SLC7A14: variants seen among roughly 807,000 people sequenced by gnomAD.
The protein encoded by SLC7A14 is gamma-aminobutyric acid transporter SLC7A14.
In SLC7A14, 37 loss-of-function variants were observed where a neutral mutation model predicts 60.2. The observed-to-expected ratio is 0.61, with a 90% CI of 0.47 to 0.81. The LOEUF is 0.81. Ranked by LOEUF, SLC7A14 falls within the 30% of genes least tolerant of loss-of-function variation. The probability of loss-of-function intolerance (pLI) is 0.00; values close to 1 mark genes in which losing one functional copy is unlikely to be tolerated. For missense variants in SLC7A14, 886 were observed against 982.7 expected (o/e 0.90, Z 1.32); for synonymous variants, 399 against 395.8 (o/e 1.01, Z -0.10).
At chr3:170,578,744 G>T (rs150598971) in intron 1 of SLC7A14, among the ~76,000 whole-genome samples, 1 of 152,036 alleles carries the variant, frequency 6.6e-6, no homozygotes, top group Non-Finnish European at 1.5e-5. Flanking sequence ...TTAATTCTTC[G>T]GTCTTAAGGA....
intron 1 of SLC7A14, among the ~76,000 whole-genome samples, chr3:170,567,827 A>G (rs1489799531): frequency 4.0e-5 from 6 of 149,546 alleles, no homozygotes; most frequent in Admixed American, 1.3e-4. Flanking sequence ...GTGTCTGTTC[A>G]TGTCCTTTGC....
chr3:170,511,565 T>C (rs1712981106), intron 2 of SLC7A14, among the ~76,000 whole-genome samples: 1 of 152,174 alleles, frequency 6.6e-6, no homozygotes, highest in Non-Finnish European at 1.5e-5. Context: ...TCCTGACATA[T>C]GTTAGGTACT....
intron 1 of SLC7A14, among the ~76,000 whole-genome samples, chr3:170,556,556 G>A (rs1324308079): frequency 6.6e-6 from 1 of 152,174 alleles, no homozygotes; most frequent in Non-Finnish European, 1.5e-5. Flanking sequence ...AGCTATTATT[G>A]TAAGGTATAT....
chr3:170,502,424 A>G (rs1712645435), intron 2 of SLC7A14, among the ~76,000 whole-genome samples: 1 of 152,206 alleles, frequency 6.6e-6, no homozygotes, highest in South Asian at 2.1e-4. Context: ...TTAGAAAGAG[A>G]TTAAGAACAT....
intron 1 of SLC7A14, among the ~76,000 whole-genome samples, chr3:170,583,013 G>A (rs1715276536): frequency 6.6e-6 from 1 of 152,178 alleles, no homozygotes; most frequent in African/African-American, 2.4e-5. Context: ...ACTTCACATA[G>A]TGCCTCACAT....
chr3:170,482,193 C>T (rs1326099671), intron 6 of SLC7A14, among the ~76,000 whole-genome samples: 2 of 152,006 alleles, frequency 1.3e-5, no homozygotes, highest in Non-Finnish European at 1.5e-5. Flanking sequence ...CTCTCCTCTC[C>T]CCTCTCCTCC....
At chr3:170,495,485 T>C in intron 4 of SLC7A14, 1 of 900,818 alleles carries the variant, frequency 1.1e-6, no homozygotes, top group Non-Finnish European at 1.7e-6. Context: ...TGTCCACCTC[T>C]GGCCCCCAGG....
At chr3:170,574,846 G>A (rs1451424124) in intron 1 of SLC7A14, among the ~76,000 whole-genome samples, 1 of 152,162 alleles carries the variant, frequency 6.6e-6, no homozygotes. Context: ...CCCTGGACTG[G>A]GAGTCAGGGA....
intron 2 of SLC7A14, among the ~76,000 whole-genome samples, chr3:170,517,061 G>A (rs1261541209): frequency 6.6e-6 from 1 of 152,156 alleles, no homozygotes; most frequent in Non-Finnish European, 1.5e-5. Flanking sequence ...ATAAAATGGG[G>A]ACATTAATAT....
At chr3:170,526,004 G>C (rs1036028742) in intron 2 of SLC7A14, among the ~76,000 whole-genome samples, 1 of 152,066 alleles carries the variant, frequency 6.6e-6, no homozygotes, top group Non-Finnish European at 1.5e-5. Context: ...TTGAACCCGG[G>C]AGGTGGAGGT....
chr3:170,515,894 C>T (rs1166388643), intron 2 of SLC7A14, among the ~76,000 whole-genome samples: 1 of 152,150 alleles, frequency 6.6e-6, no homozygotes, highest in Non-Finnish European at 1.5e-5. Context: ...GTGTGCACAT[C>T]TTGTTTCTTC....
At chr3:170,507,679 C>T (rs567383577) in intron 2 of SLC7A14, among the ~76,000 whole-genome samples, 12 of 152,244 alleles carry the variant, frequency 7.9e-5, no homozygotes, top group Admixed American at 2.6e-4. Context: ...TTTTAACAGA[C>T]GAGTGGACTA....
intron 4 of SLC7A14, among the ~76,000 whole-genome samples, chr3:170,487,343 T>TA (rs1255810695): frequency 6.6e-6 from 1 of 151,342 alleles, no homozygotes; most frequent in Non-Finnish European, 1.5e-5. Context: ...TAGCTCTAAG[T>TA]AAAAAAGTGC....
At chr3:170,482,493 T>G (rs1380803756) in intron 6 of SLC7A14, among the ~76,000 whole-genome samples, 2 of 152,234 alleles carry the variant, frequency 1.3e-5, no homozygotes, top group African/African-American at 4.8e-5. Flanking sequence ...GCCTCCACGG[T>G]TTACTCCTTG....
chr3:170,534,053 T>G (rs114212797), intron 1 of SLC7A14, among the ~76,000 whole-genome samples: 74 of 151,458 alleles, frequency 4.9e-4, no homozygotes, highest in African/African-American at 1.6e-3. Context: ...AGCTTGTTGG[T>G]TTTTTTTGTT....
chr3:170,568,964 A>T (rs1452946118), intron 1 of SLC7A14, among the ~76,000 whole-genome samples: 2 of 152,224 alleles, frequency 1.3e-5, no homozygotes, highest in Non-Finnish European at 2.9e-5. Context: ...AAACAGGGAC[A>T]ATTTGACTTC....
chr3:170,519,503 G>C (rs1410757875), intron 2 of SLC7A14, among the ~76,000 whole-genome samples: 1 of 152,214 alleles, frequency 6.6e-6, no homozygotes, highest in African/African-American at 2.4e-5. Flanking sequence ...GGGGCCAGGC[G>C]CAGTGGCTCA....
intron 1 of SLC7A14, among the ~76,000 whole-genome samples, chr3:170,528,847 C>T (rs1013516779): frequency 2.6e-5 from 4 of 152,002 alleles, no homozygotes; most frequent in African/African-American, 7.3e-5. Context: ...CCGAGAAGGC[C>T]GCTAGAACAA....
chr3:170,500,402 G>T (rs1203700287), intron 3 of SLC7A14, among the ~76,000 whole-genome samples: 2 of 132,702 alleles, frequency 1.5e-5, no homozygotes, highest in African/African-American at 3.0e-5. Flanking sequence ...TCATGCCATT[G>T]CACTCTAGCC....
Sources: allele counts gnomAD v4.1 joint callset (sites outside exome capture counted in the v4.1 genomes callset), GRCh38; gene constraint gnomAD v4.1.1; transcripts MANE v1.5; gene names NCBI Gene and HGNC (gene_info 2026-07-23, HGNC 2026-07-21).